NLGN1: variants seen among roughly 807,000 people sequenced by gnomAD.
The protein encoded by NLGN1 is neuroligin 1, also known as neuroligin-1.
In NLGN1, 12 loss-of-function variants were observed where a neutral mutation model predicts 65.5. The ratio of observed to expected loss-of-function variants is 0.18; its 90% confidence interval spans 0.12 to 0.30. The LOEUF (loss-of-function observed/expected upper bound fraction) is 0.30, where lower values mean the gene tolerates loss of function less well. Ranked by LOEUF, NLGN1 falls within the 10% of genes least tolerant of loss-of-function variation. The probability of loss-of-function intolerance (pLI) is 1.00; values close to 1 mark genes in which losing one functional copy is unlikely to be tolerated. For synonymous variants in NLGN1, 350 were observed against 359.5 expected (o/e 0.97, Z 0.30); for missense variants, 750 against 1,007.1 (o/e 0.74, Z 3.46).
chr3:173,601,580 G>T (rs1270823617), intron 2 of NLGN1, among the ~76,000 whole-genome samples: 2 of 151,854 alleles, frequency 1.3e-5, no homozygotes, highest in East Asian at 3.9e-4. Context: ...TTGGGTTTAG[G>T]TCCTTTATTT....
intron 4 of NLGN1, among the ~76,000 whole-genome samples, chr3:173,817,281 A>T (rs1719222480): frequency 6.6e-6 from 1 of 152,208 alleles, no homozygotes; most frequent in African/African-American, 2.4e-5. Flanking sequence ...AAGATTTAGG[A>T]TTTCTATGAA....
At chr3:173,911,313 G>T (rs1332317089) in intron 4 of NLGN1, among the ~76,000 whole-genome samples, 1 of 152,128 alleles carries the variant, frequency 6.6e-6, no homozygotes, top group African/African-American at 2.4e-5. Context: ...TATCTAAGAG[G>T]TGAAATAAAT....
chr3:173,960,791 T>C (rs1317867192), intron 4 of NLGN1, among the ~76,000 whole-genome samples: 2 of 151,242 alleles, frequency 1.3e-5, no homozygotes, highest in African/African-American at 4.9e-5. Context: ...CTCTAATATT[T>C]CTGTCCATCT....
At chr3:174,194,985 C>T (rs1733145542) in intron 4 of NLGN1, among the ~76,000 whole-genome samples, 1 of 151,962 alleles carries the variant, frequency 6.6e-6, no homozygotes, top group Admixed American at 6.5e-5. Context: ...CCTCAGCCTC[C>T]CGAGTAGCTG....
Position 173,468,250 on chromosome 3 carries a change from C to T in NLGN1, c.-321+33172C>T, listed in dbSNP as rs554088475. On this transcript the variant is annotated intron_variant, in intron 2 of 6. Transcript: ENST00000457714. ...GGATTAGTGTATGTTCTTTTTGTTC[C>T]TTTGCCTGCTTTTGTGGTTTCATTC... Among the ~76,000 whole-genome samples, 7 of 152,036 alleles carry T rather than the reference C, an allele frequency of 4.6e-5. No homozygotes were observed. The South Asian group carries it at 1.5e-3, about 32-fold the overall frequency.
rs1202200074 is a variant in NLGN1, at chr3:173,634,741, A to G, written c.493+29650A>G. Among the ~76,000 whole-genome samples, 11 of 152,146 alleles carry G rather than the reference A, an allele frequency of 7.2e-5. No homozygotes were observed. The South Asian group carries it at 1.9e-3, about 26-fold the overall frequency. ...TATATTTTAGGAGGATTGCTCATCC[A>G]CTTGAAGGCAAAATTGGAACTGAGA... On this transcript the variant is annotated intron_variant, in intron 3 of 6. Coordinates refer to ENST00000457714, the Ensembl canonical transcript of NLGN1.
chr3:174,167,141 T>C (rs1285839139), intron 4 of NLGN1, among the ~76,000 whole-genome samples: 3 of 152,112 alleles, frequency 2.0e-5, no homozygotes, highest in African/African-American at 7.2e-5. Flanking sequence ...ATCCAACTTG[T>C]CACTCTGTGC....
intron 1 of NLGN1, among the ~76,000 whole-genome samples, chr3:173,416,504 A>G (rs1198638093): frequency 6.6e-6 from 1 of 152,192 alleles, no homozygotes; most frequent in Non-Finnish European, 1.5e-5. Flanking sequence ...TCCCTAACTC[A>G]TATTTCTTTT....
rs576649261 is a variant in NLGN1 at position 173,465,207 on chromosome 3, GAC to G, written c.-321+30133_-321+30134del. On this transcript the variant is annotated intron_variant, in intron 2 of 6. Transcript: ENST00000457714. ...GCTGTGTCCTGCGACTCAGGAAACT[GAC>G]ACAGCATCACAGAGGATTCTGGCTT... 3.6e-4 allele frequency among the ~76,000 whole-genome samples: 55 copies of G among 152,334 alleles called. 1 individual carries two copies. The South Asian group carries it at 0.011, about 32-fold the overall frequency.
intron 4 of NLGN1, among the ~76,000 whole-genome samples, chr3:173,861,716 G>C (rs1288797875): frequency 6.6e-6 from 1 of 151,868 alleles, no homozygotes; most frequent in Non-Finnish European, 1.5e-5. Flanking sequence ...TGTGGGGATA[G>C]TATGTGTGTG....
At chr3:173,722,752 C>T (rs1017331848) in intron 3 of NLGN1, among the ~76,000 whole-genome samples, 1 of 152,026 alleles carries the variant, frequency 6.6e-6, no homozygotes, top group African/African-American at 2.4e-5. Context: ...GATAATATTA[C>T]CATCATTAAT....
rs145326920 is a variant in NLGN1 at position 173,418,248 on chromosome 3, T to C, written c.-389-16762T>C. ...GATATAATTAGTATACAATGTAATA[T>C]TATTGTATACTATAATTTAACAATT... is the stretch of plus-strand genomic sequence containing the variant. On this transcript the variant is annotated intron_variant, in intron 1 of 6. Transcript: ENST00000457714. Among the ~76,000 whole-genome samples, 1,026 of 151,694 alleles carry C rather than the reference T, an allele frequency of 6.8e-3. 10 individuals are homozygous for C. The highest frequency in any genetic ancestry group is 0.024 in the African/African-American group (986 of 41,448).
chr3:173,776,176 C>T (rs1780270411), intron 3 of NLGN1, among the ~76,000 whole-genome samples: 1 of 152,056 alleles, frequency 6.6e-6, no homozygotes, highest in African/African-American at 2.4e-5. Context: ...AATAAGTCAA[C>T]TTTCTCCAAA....
chr3:174,090,302 C>G (rs1426299645), intron 4 of NLGN1, among the ~76,000 whole-genome samples: 2 of 151,808 alleles, frequency 1.3e-5, no homozygotes, highest in Non-Finnish European at 2.9e-5. Flanking sequence ...GAAATCTCGT[C>G]TCTATTAAAA....
At chr3:173,977,900 TGA>T (rs1480168011) in intron 4 of NLGN1, among the ~76,000 whole-genome samples, 3 of 151,802 alleles carry the variant, frequency 2.0e-5, no homozygotes, top group Non-Finnish European at 4.4e-5. Flanking sequence ...AAACATCAAG[TGA>T]GAAAAGGAGA....
chr3:173,784,802 A>G (rs1781702287), intron 3 of NLGN1, among the ~76,000 whole-genome samples: 1 of 152,184 alleles, frequency 6.6e-6, no homozygotes, highest in Non-Finnish European at 1.5e-5. Context: ...GATAGAAAAC[A>G]TTTTAGAAGC....
intron 3 of NLGN1, among the ~76,000 whole-genome samples, chr3:173,781,781 T>G (rs1309406527): frequency 1.3e-5 from 2 of 152,176 alleles, no homozygotes; most frequent in Non-Finnish European, 1.5e-5. Context: ...ACTGAAGCAA[T>G]ATATGTTGAT....
At chr3:173,990,811 G>T (rs1720932877) in intron 4 of NLGN1, among the ~76,000 whole-genome samples, 2 of 152,070 alleles carry the variant, frequency 1.3e-5, no homozygotes, top group African/African-American at 4.8e-5. Context: ...TATTTTAAAA[G>T]AAACAATTGT....
intron 4 of NLGN1, among the ~76,000 whole-genome samples, chr3:173,845,087 G>A (rs1725477463): frequency 6.6e-6 from 1 of 152,176 alleles, no homozygotes; most frequent in Non-Finnish European, 1.5e-5. Context: ...AAAGATAGTG[G>A]TTTTCATAAA....
Sources: allele counts gnomAD v4.1 joint callset (sites outside exome capture counted in the v4.1 genomes callset), GRCh38; gene constraint gnomAD v4.1.1; transcripts MANE v1.5; gene names NCBI Gene and HGNC (gene_info 2026-07-23, HGNC 2026-07-21).